The following WDFY2 variants were observed in gnomAD, a reference collection of about 807,000 sequenced individuals.
WDFY2 encodes the protein WD repeat and FYVE domain-containing protein 2.
In WDFY2, 36 loss-of-function variants were observed where a neutral mutation model predicts 56.4. The observed-to-expected ratio is 0.64, with a 90% CI of 0.49 to 0.84. The LOEUF (loss-of-function observed/expected upper bound fraction) is 0.84. Ranked by LOEUF, WDFY2 falls within the 40% of genes least tolerant of loss-of-function variation. WDFY2 has a pLI of 0.00. For synonymous variants in WDFY2, 176 were observed against 183.7 expected (o/e 0.96, Z 0.34); for missense variants, 444 against 512.2 (o/e 0.87, Z 1.29).
In WDFY2 at chr13:51,719,459, C is replaced by T; in HGVS notation, c.485+111C>T. ...GAAAGTTTTGTTAATGACAGTTGCC[C>T]AGTGTGGATTACAATGCTCATAGAA... On this transcript the variant is annotated intron_variant, in intron 5 of 11. Coordinates refer to ENST00000298125, the MANE Select transcript of WDFY2 (RefSeq NM_052950.4). 3 of 1,234,328 alleles carry T rather than the reference C, an allele frequency of 2.4e-6. No homozygotes were observed. The East Asian group carries it at 7.2e-5, about 30-fold the overall frequency. The allele number at this position is 1,234,328 out of a possible 1,614,324, so 76.5% of individuals were successfully genotyped here. A position where few individuals can be genotyped will look rare whatever the true frequency, so the allele number is the denominator to read the frequency against.
At chr13:51,714,687 G>A (rs750942665) in intron 4 of WDFY2, among the ~76,000 whole-genome samples, 1 of 152,152 alleles carries the variant, frequency 6.6e-6, no homozygotes, top group Non-Finnish European at 1.5e-5. Flanking sequence ...ATAAAGTTAC[G>A]TTGTGACACA....
intron 9 of WDFY2, among the ~76,000 whole-genome samples, chr13:51,756,104 G>C (rs9535750): frequency 0.13 from 19,058 of 152,088 alleles, 1,477 homozygotes; most frequent in South Asian, 0.22. Context: ...GAAAGCAGGA[G>C]AGTGGGGTGG....
intron 5 of WDFY2, among the ~76,000 whole-genome samples, chr13:51,722,315 A>C (rs373079361): frequency 6.6e-5 from 10 of 152,116 alleles, no homozygotes; most frequent in African/African-American, 2.2e-4. Flanking sequence ...GTAAATATGC[A>C]ATGAAAATAA....
intron 1 of WDFY2, among the ~76,000 whole-genome samples, chr13:51,659,813 C>T (rs1955577497): frequency 6.6e-6 from 1 of 152,190 alleles, no homozygotes; most frequent in South Asian, 2.1e-4. Flanking sequence ...TAGAAAAACT[C>T]CCTTGAGACA....
intron 1 of WDFY2, among the ~76,000 whole-genome samples, chr13:51,624,463 G>A (rs764978138): frequency 3.9e-5 from 6 of 152,240 alleles, no homozygotes; most frequent in Non-Finnish European, 7.3e-5. Context: ...AATTCACCAT[G>A]TGTTCAACAA....
chr13:51,694,960 C>T (rs1951831873), intron 3 of WDFY2, among the ~76,000 whole-genome samples: 1 of 152,192 alleles, frequency 6.6e-6, no homozygotes, highest in Admixed American at 6.5e-5. Flanking sequence ...ACCCTTTCTT[C>T]CAGTTGATCG....
chr13:51,678,486 C>A lies in WDFY2; in HGVS notation c.279+3243C>A, dbSNP rs1486068645. Among the ~76,000 whole-genome samples the A allele has an allele frequency of 2.0e-5, 3 of 152,092 alleles. No individual in the cohort carries two copies. The South Asian group carries it at 6.2e-4, about 31-fold the overall frequency. On this transcript the variant is annotated intron_variant, in intron 3 of 11. Transcript: ENST00000298125. ...CAAAATGTTTTTCAAAATAGAATGA[C>A]CTTCTGTAGGGGAAAAATTTATGCC... is the stretch of plus-strand genomic sequence containing the variant.
intron 5 of WDFY2, among the ~76,000 whole-genome samples, chr13:51,721,022 A>T (rs1593449401): frequency 1.3e-5 from 2 of 151,804 alleles, no homozygotes; most frequent in Non-Finnish European, 2.9e-5. Context: ...GTGGTGATGG[A>T]TGTGTTAATT....
At chr13:51,688,656 A>G (rs1956100814) in intron 3 of WDFY2, among the ~76,000 whole-genome samples, 1 of 152,198 alleles carries the variant, frequency 6.6e-6, no homozygotes, top group African/African-American at 2.4e-5. Flanking sequence ...TAACAACCAA[A>G]GATCCAAACT....
intron 4 of WDFY2, among the ~76,000 whole-genome samples, chr13:51,717,219 A>G (rs1952373422): frequency 6.6e-6 from 1 of 152,162 alleles, no homozygotes. Flanking sequence ...TAAGTTATGT[A>G]TCTTTGAAAT....
intron 3 of WDFY2, among the ~76,000 whole-genome samples, chr13:51,700,674 G>A (rs1951964500): frequency 6.6e-6 from 1 of 152,178 alleles, no homozygotes; most frequent in Non-Finnish European, 1.5e-5. Flanking sequence ...GAATATTAAA[G>A]TAATATTATG....
chr13:51,758,208 A>G lies in WDFY2; in HGVS notation c.1081A>G (p.Thr361Ala), dbSNP rs1238653849. The G allele has an allele frequency of 3.2e-6, 5 of 1,579,184 alleles. No individual in the cohort carries two copies. In the Admixed American group the frequency reaches 6.7e-5, roughly 21 times the overall value. Reference sequence around the variant, plus strand: ...TCCTTCTAGACGTGCACCCACAGCCACCTTCCATGACAGTAAACATAACAT... The same window carrying G: ...TCCTTCTAGACGTGCACCCACAGCCGCCTTCCATGACAGTAAACATAACAT... Reference protein sequence around the residue: ...ITDEERAPTATFHDSKHNIVH... With the variant: ...ITDEERAPTAAFHDSKHNIVH... Residue 361 changes from threonine (T) to alanine (A), a missense_variant, in exon 11 of 12, where the codon ACC becomes GCC. Thr to Ala is a moderately conservative substitution (Grantham distance 58, BLOSUM62 0). Coordinates refer to ENST00000298125, the MANE Select transcript of WDFY2 (RefSeq NM_052950.4).
chr13:51,592,616 A>C (rs550889855), intron 1 of WDFY2: 2 of 152,114 alleles, frequency 1.3e-5, no homozygotes, highest in Non-Finnish European at 2.9e-5. Flanking sequence ...AAATTAAAAT[A>C]AATAAGTAAT....
At chr13:51,637,100 G>A (rs953574415) in intron 1 of WDFY2, among the ~76,000 whole-genome samples, 10 of 152,200 alleles carry the variant, frequency 6.6e-5, no homozygotes, top group Admixed American at 5.9e-4. Context: ...GCACTATAAG[G>A]TGTGTTAGTT....
At position 51,739,124 on chromosome 13, in the gene WDFY2, T is replaced by C. The variant is rs1198364419; in HGVS notation, c.674T>C (p.Met225Thr). The change falls in exon 7 of 12, where the codon ATG (methionine) becomes ACG (threonine). Residue 225 changes from methionine (M) to threonine (T), a missense_variant. By Grantham distance (81) the Met-to-Thr change is moderately conservative. Coordinates refer to ENST00000298125, the MANE Select transcript of WDFY2 (RefSeq NM_052950.4). ...FSGSSDHSVI[M>T]WDIGGRKGTA... The stretch of plus-strand genomic sequence containing the variant: ...GGCAGTTCAGATCACTCTGTCATCA[T>C]GTGGGACATCGGTGGGAGAAAAGGA... The C allele has an allele frequency of 6.2e-7, 1 of 1,600,744 alleles. No homozygotes were observed. The highest frequency in any genetic ancestry group is 8.5e-7 in the Non-Finnish European group (1 of 1,173,864).
chr13:51,611,458 A>T, intron 1 of WDFY2, among the ~76,000 whole-genome samples: 1 of 152,234 alleles, frequency 6.6e-6, no homozygotes. Context: ...GCATACAACA[A>T]ATCTTAAATG....
intron 4 of WDFY2, among the ~76,000 whole-genome samples, chr13:51,718,852 C>G (rs1952424730): frequency 6.6e-6 from 1 of 152,230 alleles, no homozygotes; most frequent in South Asian, 2.1e-4. Context: ...GTGGCTCTCT[C>G]CAGTCCAGCA....
In WDFY2 at chr13:51,584,507, T is replaced by C. The variant is rs1362152855; in HGVS notation, c.-181T>C. On this transcript the variant is annotated 5_prime_UTR_variant, in exon 1 of 12. Coordinates refer to ENST00000298125, the MANE Select transcript of WDFY2 (RefSeq NM_052950.4). ...CCCAGGTCGTGGCGGTTTTGGTGCCTGAAGCAGGGAGCGCGGAGTCGTTCC... is the reference window on the plus strand; with the variant it reads ...CCCAGGTCGTGGCGGTTTTGGTGCCCGAAGCAGGGAGCGCGGAGTCGTTCC... 1.1e-5 allele frequency: 9 copies of C among 823,094 alleles called. No homozygotes were observed. The highest frequency in any genetic ancestry group is 6.2e-5 in the South Asian group (3 of 48,622). 51.0% of individuals were successfully genotyped at this position (823,094 alleles called of 1,614,324 possible).
chr13:51,671,809 G>T (rs1955813296), intron 2 of WDFY2, among the ~76,000 whole-genome samples: 2 of 117,024 alleles, frequency 1.7e-5, no homozygotes, highest in African/African-American at 6.6e-5. Flanking sequence ...TTTGAGACAA[G>T]GTCTTCCTCT....
Sources: gnomAD v4.1 joint callset for allele counts (sites outside exome capture counted in the v4.1 genomes callset) on GRCh38, gnomAD v4.1.1 for gene constraint, MANE v1.5 for transcripts, NCBI Gene and HGNC (gene_info 2026-07-23, HGNC 2026-07-21) for gene names.